CYTH1: variants seen among roughly 807,000 people sequenced by gnomAD.
CYTH1 encodes cytohesin 1.
In CYTH1, 18 loss-of-function variants were observed where a neutral mutation model predicts 61.8. That is an observed-to-expected ratio of 0.29 (90% CI 0.20 to 0.43). The LOEUF (loss-of-function observed/expected upper bound fraction) is 0.43, where lower values mean the gene tolerates loss of function less well. Ranked by LOEUF, CYTH1 falls within the 20% of genes least tolerant of loss-of-function variation. CYTH1 has a pLI of 1.00. For missense variants in CYTH1, 336 were observed against 510.5 expected, an observed-to-expected ratio of 0.66 and a Z score of 3.29; for synonymous variants, 174 against 184.3, an observed-to-expected ratio of 0.94 and a Z score of 0.45.
chr17:78,773,784 C>T (rs535270728), intron 1 of CYTH1, among the ~76,000 whole-genome samples: 11 of 152,064 alleles, frequency 7.2e-5, no homozygotes, highest in Non-Finnish European at 1.0e-4. Flanking sequence ...GAAAGGTAAA[C>T]GACTGTTACA....
intron 1 of CYTH1, among the ~76,000 whole-genome samples, chr17:78,762,682 G>C (rs2093433627): frequency 6.6e-6 from 1 of 152,168 alleles, no homozygotes; most frequent in South Asian, 2.1e-4. Context: ...TGGGCACACG[G>C]ATTCTTCCAA....
chr17:78,730,264 G>A (rs988043370), intron 1 of CYTH1, among the ~76,000 whole-genome samples: 53 of 150,768 alleles, frequency 3.5e-4, no homozygotes, highest in African/African-American at 1.2e-3. Flanking sequence ...GGTGTCTCAC[G>A]CCTTTAATCC....
At position 78,775,841 on chromosome 17, in the gene CYTH1, T is replaced by C. The variant is rs78532545; in HGVS notation, c.22+6361A>G. ...ACATGATAGACTCCAGCAACTTTCATTTTAAATGTTTATATAGAAATTATG... is the reference window on the plus strand; with the variant it reads ...ACATGATAGACTCCAGCAACTTTCACTTTAAATGTTTATATAGAAATTATG... On this transcript the variant is annotated intron_variant, in intron 1 of 13. Transcript: ENST00000446868. Among the ~76,000 whole-genome samples the C allele has an allele frequency of 4.2e-3, 643 of 152,334 alleles. 6 individuals carry two copies. The highest frequency in any genetic ancestry group is 0.015 in the African/African-American group (605 of 41,566).
chr17:78,683,961 T>C (rs2092789810), intron 11 of CYTH1, among the ~76,000 whole-genome samples: 1 of 152,218 alleles, frequency 6.6e-6, no homozygotes, highest in Non-Finnish European at 1.5e-5. Context: ...AATAAGTATG[T>C]GACATAATGT....
At chr17:78,751,387 C>T (rs866660179) in intron 1 of CYTH1, among the ~76,000 whole-genome samples, 1 of 151,534 alleles carries the variant, frequency 6.6e-6, no homozygotes, top group Non-Finnish European at 1.5e-5. Context: ...ATCATGGCCT[C>T]TTGTACTTAG....
rs565146453 is a variant in CYTH1 at position 78,773,858 on chromosome 17, A to C, written c.22+8344T>G. On this transcript the variant is annotated intron_variant, in intron 1 of 13. Transcript: ENST00000446868. ...TACACATTTTCCCCATGCTTAAAAC[A>C]GTGACAAAAACCTGTAAATCACTTT... 7.9e-5 allele frequency among the ~76,000 whole-genome samples: 12 copies of C among 152,340 alleles called. 1 individual carries two copies. The highest frequency in any genetic ancestry group is 2.4e-4 in the African/African-American group (10 of 41,588).
intron 1 of CYTH1, among the ~76,000 whole-genome samples, chr17:78,764,894 C>T (rs902319775): frequency 6.6e-6 from 1 of 151,820 alleles, no homozygotes; most frequent in African/African-American, 2.4e-5. Flanking sequence ...ACTGACCATG[C>T]GTAATAAACA....
At chr17:78,703,798 T>C (rs941665977) in intron 3 of CYTH1, among the ~76,000 whole-genome samples, 1 of 152,216 alleles carries the variant, frequency 6.6e-6, no homozygotes, top group Non-Finnish European at 1.5e-5. Context: ...TCTTCCATGG[T>C]ATGGATAAAC....
intron 1 of CYTH1, among the ~76,000 whole-genome samples, chr17:78,721,021 C>G (rs1221570201): frequency 6.6e-6 from 1 of 152,210 alleles, no homozygotes; most frequent in African/African-American, 2.4e-5. Flanking sequence ...AATTTGCAGC[C>G]TAAGAGATTT....
intron 3 of CYTH1, among the ~76,000 whole-genome samples, chr17:78,707,596 G>A (rs1377936516): frequency 6.6e-6 from 1 of 151,980 alleles, no homozygotes; most frequent in East Asian, 1.9e-4. Context: ...AATGCACACC[G>A]ACAGTGGACA....
intron 1 of CYTH1, among the ~76,000 whole-genome samples, chr17:78,721,781 C>T (rs1049803233): frequency 2.0e-5 from 3 of 152,186 alleles, no homozygotes; most frequent in African/African-American, 4.8e-5. Context: ...CAGTGGCTCA[C>T]GCCTGTAATC....
At chr17:78,708,378 A>G in intron 2 of CYTH1, 117 bp from the exon 3 acceptor site, 1 of 966,812 alleles carries the variant, frequency 1.0e-6, no homozygotes, top group South Asian at 1.5e-5. Flanking sequence ...ATGAAACAAA[A>G]TATGACAAAA....
intron 1 of CYTH1, among the ~76,000 whole-genome samples, chr17:78,722,161 C>T (rs896649573): frequency 6.6e-6 from 1 of 152,176 alleles, no homozygotes; most frequent in Non-Finnish European, 1.5e-5. Flanking sequence ...TTTTATCCTG[C>T]GAATTTGGTT....
At chr17:78,751,544 A>G (rs910596014) in intron 1 of CYTH1, among the ~76,000 whole-genome samples, 48 of 152,354 alleles carry the variant, frequency 3.2e-4, no homozygotes, top group African/African-American at 1.1e-3. Flanking sequence ...GGGCTGAAAC[A>G]AGAAATCAGT....
At chr17:78,718,861 A>G (rs1381601394) in intron 1 of CYTH1, among the ~76,000 whole-genome samples, 1 of 152,218 alleles carries the variant, frequency 6.6e-6, no homozygotes, top group Non-Finnish European at 1.5e-5. Flanking sequence ...TCTTTCCTTT[A>G]TCTGCATACC....
chr17:78,745,660 G>T (rs565972657), intron 1 of CYTH1, among the ~76,000 whole-genome samples: 2 of 152,158 alleles, frequency 1.3e-5, no homozygotes, highest in Non-Finnish European at 2.9e-5. Flanking sequence ...TTGGGAGGCC[G>T]AGGCGGGTGG....
intron 1 of CYTH1, among the ~76,000 whole-genome samples, chr17:78,761,685 A>C (rs9900681): frequency 0.55 from 82,952 of 151,876 alleles, 22,756 homozygotes; most frequent in East Asian, 0.61. Flanking sequence ...TTGCAGTGAG[A>C]CGAGATCACG....
chr17:78,765,065 T>C (rs1042267354), intron 1 of CYTH1, among the ~76,000 whole-genome samples: 6 of 152,112 alleles, frequency 3.9e-5, no homozygotes, highest in Admixed American at 1.3e-4. Context: ...AAAGCATCCC[T>C]AGCACAGTGA....
At chr17:78,738,935 A>G (rs34377672) in intron 1 of CYTH1, among the ~76,000 whole-genome samples, 8,196 of 152,322 alleles carry the variant, frequency 0.054, 402 homozygotes, top group South Asian at 0.15. Context: ...AAGCTTTCAC[A>G]GATGCTGCCA....
Sources: gnomAD v4.1 joint callset for allele counts (sites outside exome capture counted in the v4.1 genomes callset) on GRCh38, gnomAD v4.1.1 for gene constraint, MANE v1.5 for transcripts, NCBI Gene and HGNC (gene_info 2026-07-23, HGNC 2026-07-21) for gene names.